The following KALRN variants were observed in gnomAD, a reference collection of about 807,000 sequenced individuals.
KALRN encodes kalirin.
In KALRN, 70 loss-of-function variants were observed where a neutral mutation model predicts 353.7. That is an observed-to-expected ratio of 0.20 (90% confidence interval 0.16 to 0.24). The LOEUF (loss-of-function observed/expected upper bound fraction) is 0.24, where lower values mean the gene tolerates loss of function less well. KALRN is among the 10% of genes least tolerant of loss of function. The pLI is 1.00. For missense variants in KALRN, 2,791 were observed against 3,756.7 expected (o/e 0.74, Z 6.72); for synonymous variants, 1,391 against 1,434.8 (o/e 0.97, Z 0.69).
chr3:124,080,038 G>T (rs1318053056), intron 1 of KALRN: 3 of 470,824 alleles, frequency 6.4e-6, no homozygotes, highest in Non-Finnish European at 1.3e-5. Flanking sequence ...ATTCTATGTT[G>T]CCAGTGTTCC....
At chr3:124,452,415 C>G (rs1478664108) in intron 21 of KALRN, among the ~76,000 whole-genome samples, 1 of 152,166 alleles carries the variant, frequency 6.6e-6, no homozygotes, top group African/African-American at 2.4e-5. Flanking sequence ...TTTTAGGGTT[C>G]ATGGTCTAAT....
Position 124,495,992 on chromosome 3 carries a change from T to C in KALRN, c.4833-319T>C, listed in dbSNP as rs1180622553. On this transcript the variant is annotated intron_variant, in intron 32 of 59. Coordinates refer to ENST00000682506, the MANE Select transcript of KALRN (RefSeq NM_001388419.1). ...ATATATATATATATATATATATATA[T>C]ATATATATATATATATATATACACA... is the stretch of plus-strand genomic sequence containing the variant. 3.1e-3 allele frequency among the ~76,000 whole-genome samples: 172 copies of C among 55,890 alleles called. 31 individuals are homozygous for C. Among genetic ancestry groups the C allele is most frequent in the East Asian group, 0.012 (16 of 1,360 alleles). The allele number at this position is 55,890 out of a possible 152,430, so 36.7% of individuals were successfully genotyped here.
intron 16 of KALRN, among the ~76,000 whole-genome samples, chr3:124,431,364 T>G (rs1182321356): frequency 6.6e-6 from 1 of 152,206 alleles, no homozygotes; most frequent in African/African-American, 2.4e-5. Flanking sequence ...CAGAAGAAGC[T>G]TATCAACAGG....
intron 1 of KALRN, among the ~76,000 whole-genome samples, chr3:124,205,787 G>T (rs1291588537): frequency 1.3e-5 from 2 of 152,298 alleles, no homozygotes; most frequent in East Asian, 3.9e-4. Flanking sequence ...ACGTGTGTTT[G>T]TAAGAGGTGT....
At chr3:124,576,555 G>A (rs566334957) in intron 34 of KALRN, among the ~76,000 whole-genome samples, 1 of 152,298 alleles carries the variant, frequency 6.6e-6, no homozygotes, top group Non-Finnish European at 1.5e-5. Context: ...TATGGGTTAA[G>A]TACCTCTCAT....
At chr3:124,489,276 C>T (rs1484018933) in intron 29 of KALRN, among the ~76,000 whole-genome samples, 1 of 152,048 alleles carries the variant, frequency 6.6e-6, no homozygotes, top group Non-Finnish European at 1.5e-5. Flanking sequence ...CACTGCACTC[C>T]AGCCTGGGCG....
chr3:124,277,660 C>T (rs1294141559), intron 5 of KALRN, among the ~76,000 whole-genome samples: 1 of 152,104 alleles, frequency 6.6e-6, no homozygotes, highest in Non-Finnish European at 1.5e-5. Context: ...CATTTGTATC[C>T]TGAGATTAGC....
In KALRN at chr3:124,323,966, GGTCT is replaced by G. The variant is rs151056913; in HGVS notation, c.1093-2011_1093-2008del. 7.1e-3 allele frequency among the ~76,000 whole-genome samples: 1,075 copies of G among 152,242 alleles called. 19 individuals carry two copies. Among genetic ancestry groups the G allele is most frequent in the African/African-American group, 0.025 (1,030 of 41,544 alleles). Reference sequence around the variant, plus strand: ...ACTCTCTGACCTCAGAAGTGTGCTTGGTCTGTTTGTGGGTTCGGCTGGAAATGCC... The same window carrying G: ...ACTCTCTGACCTCAGAAGTGTGCTTGGTTTGTGGGTTCGGCTGGAAATGCC... On this transcript the variant is annotated intron_variant, in intron 6 of 59. Transcript: ENST00000682506.
At chr3:124,201,389 A>G (rs1235665528) in intron 1 of KALRN, among the ~76,000 whole-genome samples, 1 of 152,166 alleles carries the variant, frequency 6.6e-6, no homozygotes, top group Non-Finnish European at 1.5e-5. Context: ...AGGAGGAACA[A>G]TGGCTGTCCT....
At chr3:124,347,808 C>A (rs1429554627) in intron 10 of KALRN, among the ~76,000 whole-genome samples, 3 of 150,870 alleles carry the variant, frequency 2.0e-5, no homozygotes, top group Admixed American at 2.0e-4. Flanking sequence ...TGAATGTGCC[C>A]AGAGAACCTG....
chr3:124,557,112 A>G (rs569807530), intron 33 of KALRN, among the ~76,000 whole-genome samples: 1 of 152,298 alleles, frequency 6.6e-6, no homozygotes, highest in East Asian at 1.9e-4. Context: ...AGGGTTACAC[A>G]TGCAGTTTTG....
chr3:124,481,629 T>C (rs2061993259), intron 27 of KALRN, among the ~76,000 whole-genome samples: 2 of 152,226 alleles, frequency 1.3e-5, no homozygotes, highest in African/African-American at 4.8e-5. Context: ...ATTTTTCACT[T>C]CTTATAGAAG....
At chr3:124,518,037 T>C (rs929278255) in intron 33 of KALRN, among the ~76,000 whole-genome samples, 1 of 152,144 alleles carries the variant, frequency 6.6e-6, no homozygotes, top group Non-Finnish European at 1.5e-5. Flanking sequence ...TGCTTATGGG[T>C]CTGGAACGTT....
At chr3:124,648,125 C>T (rs2082986777) in intron 37 of KALRN, among the ~76,000 whole-genome samples, 1 of 152,212 alleles carries the variant, frequency 6.6e-6, no homozygotes, top group African/African-American at 2.4e-5. Context: ...CCTAGTTGCC[C>T]TTAGCTGGGG....
At chr3:124,385,138 G>A (rs1214988960) in intron 11 of KALRN, 102 bp downstream of exon 11, 11 of 937,834 alleles carry the variant, frequency 1.2e-5, no homozygotes, top group Admixed American at 2.7e-5. Flanking sequence ...TGGGTAGTCT[G>A]GGGGTTACTA....
intron 37 of KALRN, among the ~76,000 whole-genome samples, chr3:124,644,330 A>T (rs1034707283): frequency 1.2e-4 from 18 of 149,536 alleles, no homozygotes; most frequent in African/African-American, 3.7e-4. Context: ...ATCTTTTTTT[A>T]AAATTTTTTT....
chr3:124,193,357 T>A (rs2075124721), intron 1 of KALRN, among the ~76,000 whole-genome samples: 1 of 151,868 alleles, frequency 6.6e-6, no homozygotes, highest in Non-Finnish European at 1.5e-5. Flanking sequence ...ATGACCCTGG[T>A]TCCTGGTCAT....
intron 44 of KALRN, 21 bp from the exon 45 acceptor site, chr3:124,661,830 A>G: frequency 6.2e-7 from 1 of 1,604,446 alleles, no homozygotes; most frequent in Non-Finnish European, 8.5e-7. Flanking sequence ...CCTCCTGAGT[A>G]ACAGTTGTTC....
chr3:124,335,022 T>C (rs1439810037), intron 9 of KALRN, among the ~76,000 whole-genome samples: 1 of 152,234 alleles, frequency 6.6e-6, no homozygotes, highest in Non-Finnish European at 1.5e-5. Flanking sequence ...CTTGAACTCC[T>C]GACTTCAGGT....
Sources: gnomAD v4.1 joint callset for allele counts (sites outside exome capture counted in the v4.1 genomes callset) on GRCh38, gnomAD v4.1.1 for gene constraint, MANE v1.5 for transcripts, NCBI Gene and HGNC (gene_info 2026-07-23, HGNC 2026-07-21) for gene names.